ALDH1A2: variants seen among roughly 807,000 people sequenced by gnomAD.
The protein encoded by ALDH1A2 is aldehyde dehydrogenase 1 family member A2, also known as retinal dehydrogenase 2.
In ALDH1A2, 27 loss-of-function variants were observed where a neutral mutation model predicts 60.3. That is an observed-to-expected ratio of 0.45 (90% CI 0.33 to 0.62). The LOEUF (loss-of-function observed/expected upper bound fraction) is 0.62, where lower values mean the gene tolerates loss of function less well. ALDH1A2 is among the 20% of genes least tolerant of loss of function. The pLI is 0.02. For missense variants in ALDH1A2, 581 were observed against 643.8 expected (o/e 0.90, Z 1.06); for synonymous variants, 289 against 232.4 (o/e 1.24, Z -2.21).
chr15:57,964,064 A>G lies in ALDH1A2; in HGVS notation c.907T>C (p.Tyr303His), dbSNP rs1157497589. 1 of 1,614,026 alleles carries G rather than the reference A, an allele frequency of 6.2e-7. No individual in the cohort carries two copies. Among genetic ancestry groups the G allele is most frequent in the Non-Finnish European group, 8.5e-7 (1 of 1,179,976 alleles). ...NIIFADADLDYAVEQAHQGVF... is the reference protein window; with the variant it reads ...NIIFADADLDHAVEQAHQGVF... ...CCCTGGTGGGCCTGCTCCACAGCAT[A>G]GTCCACTACAAGAGGAAACAGCCAT... is the stretch of plus-strand genomic sequence containing the variant. The change falls in exon 9 of 13, where the codon TAT becomes CAT. Residue 303 changes from tyrosine (Y) to histidine (H), a missense_variant. Physicochemically the swap from Tyr to His is moderately conservative, Grantham distance 83. This residue lies in a region of ALDH1A2 where 375 missense variants were observed against 469.7 expected (regional missense o/e 0.80). Coordinates refer to ENST00000249750, the MANE Select transcript of ALDH1A2 (RefSeq NM_003888.4).
At chr15:57,992,569 C>A in intron 7 of ALDH1A2, 136 bp downstream of exon 7, 1 of 804,654 alleles carries the variant, frequency 1.2e-6, no homozygotes. Flanking sequence ...TCTATGACAC[C>A]AATGTTATCC....
At chr15:57,972,199 C>T (rs748604299) in intron 7 of ALDH1A2, among the ~76,000 whole-genome samples, 2 of 152,090 alleles carry the variant, frequency 1.3e-5, no homozygotes, top group African/African-American at 4.8e-5. Flanking sequence ...AAACAGGCAC[C>T]CACTGAGTGG....
At chr15:58,009,457 A>G (rs1271970595) in intron 4 of ALDH1A2, among the ~76,000 whole-genome samples, 2 of 151,864 alleles carry the variant, frequency 1.3e-5, no homozygotes, top group African/African-American at 4.8e-5. Flanking sequence ...CCTGGCTAAG[A>G]AGGCCCAAAA....
chr15:58,026,199 A>T (rs981950841), intron 1 of ALDH1A2, among the ~76,000 whole-genome samples: 3 of 152,194 alleles, frequency 2.0e-5, no homozygotes, highest in South Asian at 4.1e-4. Context: ...AACAAACCTA[A>T]ATCAACAGCA....
intron 1 of ALDH1A2, among the ~76,000 whole-genome samples, chr15:58,054,384 A>G (rs1358317265): frequency 3.3e-5 from 5 of 152,174 alleles, no homozygotes; most frequent in African/African-American, 1.2e-4. Flanking sequence ...GGATTTTTCA[A>G]TCATTTATAA....
At chr15:58,029,395 G>A (rs1218586621) in intron 1 of ALDH1A2, among the ~76,000 whole-genome samples, 1 of 152,170 alleles carries the variant, frequency 6.6e-6, no homozygotes, top group Non-Finnish European at 1.5e-5. Context: ...ATTTAAAGCA[G>A]TGTGTAGAGG....
chr15:58,027,336 A>G (rs1896107998), intron 1 of ALDH1A2, among the ~76,000 whole-genome samples: 1 of 152,170 alleles, frequency 6.6e-6, no homozygotes. Flanking sequence ...AACAGAAAGG[A>G]ATAGCATCAA....
At chr15:57,959,792 T>C (rs1175989718) in intron 12 of ALDH1A2, among the ~76,000 whole-genome samples, 2 of 152,206 alleles carry the variant, frequency 1.3e-5, no homozygotes, top group African/African-American at 2.4e-5. Flanking sequence ...CTCCAAGCTA[T>C]ACCTACTTTA....
intron 7 of ALDH1A2, among the ~76,000 whole-genome samples, chr15:57,974,980 T>C (rs1894198484): frequency 6.6e-6 from 1 of 152,246 alleles, no homozygotes; most frequent in African/African-American, 2.4e-5. Flanking sequence ...AGACACTCAA[T>C]GGTAGAGAAT....
At chr15:58,028,820 T>C (rs1004605797) in intron 1 of ALDH1A2, among the ~76,000 whole-genome samples, 10 of 152,008 alleles carry the variant, frequency 6.6e-5, no homozygotes, top group Non-Finnish European at 1.3e-4. Context: ...TACATAATGG[T>C]ATAGGGATCA....
intron 7 of ALDH1A2, among the ~76,000 whole-genome samples, chr15:57,977,385 T>C (rs1301443624): frequency 1.3e-5 from 2 of 152,238 alleles, no homozygotes; most frequent in African/African-American, 4.8e-5. Flanking sequence ...GTTCTTACGT[T>C]TAAGTCTTTA....
At chr15:57,970,762 C>T (rs1329836486) in intron 7 of ALDH1A2, among the ~76,000 whole-genome samples, 1 of 152,116 alleles carries the variant, frequency 6.6e-6, no homozygotes, top group Non-Finnish European at 1.5e-5. Flanking sequence ...TACTAGAGAT[C>T]CCAGTAAACT....
At chr15:58,056,083 G>C (rs1199841260) in intron 1 of ALDH1A2, among the ~76,000 whole-genome samples, 3 of 152,116 alleles carry the variant, frequency 2.0e-5, no homozygotes, top group African/African-American at 7.2e-5. Flanking sequence ...TAATATTTAA[G>C]TACTTATTCT....
At chr15:58,004,591 T>C (rs1443713525) in intron 4 of ALDH1A2, among the ~76,000 whole-genome samples, 1 of 151,598 alleles carries the variant, frequency 6.6e-6, no homozygotes, top group Non-Finnish European at 1.5e-5. Context: ...TTTCTGTTTC[T>C]GGGTTATTTC....
intron 1 of ALDH1A2, among the ~76,000 whole-genome samples, chr15:58,029,967 C>A (rs377252584): frequency 6.6e-6 from 1 of 150,764 alleles, no homozygotes; most frequent in Non-Finnish European, 1.5e-5. Flanking sequence ...ACAGCAAAGA[C>A]GATCTGGTAC....
chr15:58,017,350 T>G (rs1458850060), intron 1 of ALDH1A2, among the ~76,000 whole-genome samples: 2 of 152,182 alleles, frequency 1.3e-5, no homozygotes, highest in Non-Finnish European at 2.9e-5. Context: ...TATGTAAAGG[T>G]GACTGGAACA....
intron 12 of ALDH1A2, among the ~76,000 whole-genome samples, chr15:57,955,752 C>CT (rs3832979): frequency 0.42 from 55,487 of 132,670 alleles, 11,000 homozygotes; most frequent in Non-Finnish European, 0.5. Flanking sequence ...GTGCTTTCCT[C>CT]CCCCAAGACG....
intron 4 of ALDH1A2, among the ~76,000 whole-genome samples, chr15:58,000,222 C>G (rs1203873540): frequency 6.6e-6 from 1 of 151,876 alleles, no homozygotes; most frequent in Non-Finnish European, 1.5e-5. Flanking sequence ...GGGCCCTAGA[C>G]CTTGTAATCT....
intron 4 of ALDH1A2, 76 bp downstream of exon 4, chr15:58,010,573 T>C: frequency 6.3e-7 from 1 of 1,584,440 alleles, no homozygotes; most frequent in Non-Finnish European, 8.6e-7. Flanking sequence ...GTGTGACTGC[T>C]GTTTGTGTTT....
Sources: allele counts gnomAD v4.1 joint callset (sites outside exome capture counted in the v4.1 genomes callset), GRCh38; gene constraint gnomAD v4.1.1; regional missense constraint gnomAD v4.1.1; transcripts MANE v1.5; gene names NCBI Gene and HGNC (gene_info 2026-07-23, HGNC 2026-07-21).